GJB7: variants seen among roughly 807,000 people sequenced by gnomAD.
The protein encoded by GJB7 is gap junction beta-7 protein.
For missense variants in GJB7, 253 were observed against 256.8 expected (o/e 0.99, Z 0.10); for synonymous variants, 87 against 95.2 (o/e 0.91, Z 0.50).
chr6:87,316,549 A>G (rs1776587312), intron 2 of GJB7, among the ~76,000 whole-genome samples: 1 of 152,338 alleles, frequency 6.6e-6, no homozygotes, highest in South Asian at 2.1e-4. Flanking sequence ...TGACATGATT[A>G]GATGTATATT....
intron 2 of GJB7, among the ~76,000 whole-genome samples, chr6:87,314,419 GTTTC>G (rs1776554020): frequency 6.6e-6 from 1 of 152,156 alleles, no homozygotes; most frequent in African/African-American, 2.4e-5. Flanking sequence ...GAGTTTAGGG[GTTTC>G]TTTGTGTTTT....
In GJB7 at chr6:87,316,693, C is replaced by A. The variant is rs193046333; in HGVS notation, c.-28+6173G>T. Among the ~76,000 whole-genome samples the A allele has an allele frequency of 2.6e-5, 4 of 152,324 alleles. No individual in the cohort carries two copies. In the East Asian group the frequency reaches 7.7e-4, roughly 29 times the overall value. On this transcript the variant is annotated intron_variant, in intron 2 of 2. Coordinates refer to ENST00000525899, the MANE Select transcript of GJB7 (RefSeq NM_198568.3). ...TTTGATCTTCCTCACTCTGTTTTGACCATTTCTTCTCAAACCCTTTTGTGG... is the reference window on the plus strand; with the variant it reads ...TTTGATCTTCCTCACTCTGTTTTGAACATTTCTTCTCAAACCCTTTTGTGG...
In GJB7 at chr6:87,328,470, A is replaced by G. The variant is rs549197859; in HGVS notation, c.-206+668T>C. The stretch of plus-strand genomic sequence containing the variant: ...TCTGTTTGTTAGTTTTCCTTCTAAC[A>G]GACAGGACCGTAAGCTTCAGGTCTG... On this transcript the variant is annotated intron_variant, in intron 1 of 2. Coordinates refer to ENST00000525899, the MANE Select transcript of GJB7 (RefSeq NM_198568.3). Among the ~76,000 whole-genome samples the G allele has an allele frequency of 8.3e-3, 1,261 of 151,826 alleles. 19 individuals are homozygous for G. The highest frequency in any genetic ancestry group is 0.028 in the African/African-American group (1,150 of 41,302).
At chr6:87,302,146 T>C (rs918059677) in intron 2 of GJB7, among the ~76,000 whole-genome samples, 1 of 152,098 alleles carries the variant, frequency 6.6e-6, no homozygotes, top group African/African-American at 2.4e-5. Flanking sequence ...GGAATGCAGC[T>C]CCTCACCAGC....
chr6:87,299,342 T>C, intron 2 of GJB7: 2 of 472,860 alleles, frequency 4.2e-6, no homozygotes, highest in South Asian at 3.2e-5. Flanking sequence ...AGAAAGGGTG[T>C]CCTCACAGTA....
intron 2 of GJB7, chr6:87,299,496 G>A (rs1462623598): frequency 2.6e-6 from 1 of 390,076 alleles, no homozygotes; most frequent in African/African-American, 2.1e-5. Context: ...TGAATGAAAT[G>A]AAAATTTCTA....
In GJB7 at chr6:87,306,008, C is replaced by T. The variant is rs563361938; in HGVS notation, c.-28+16858G>A. 5.7e-3 allele frequency among the ~76,000 whole-genome samples: 871 copies of T among 151,886 alleles called. 9 individuals carry two copies. The highest frequency in any genetic ancestry group is 0.013 in the South Asian group (61 of 4,782). On this transcript the variant is annotated intron_variant, in intron 2 of 2. Coordinates refer to ENST00000525899, the MANE Select transcript of GJB7 (RefSeq NM_198568.3). ...GCTGAAACTGGATCCCTTCCTTACA[C>T]CTTATACAAAAATCAATTCAAGATG...
At chr6:87,319,752 T>C (rs2127911003) in intron 2 of GJB7, among the ~76,000 whole-genome samples, 1 of 152,316 alleles carries the variant, frequency 6.6e-6, no homozygotes, top group East Asian at 1.9e-4. Context: ...CTATTCACAA[T>C]AACCCAATTT....
intron 2 of GJB7, among the ~76,000 whole-genome samples, chr6:87,307,084 T>C (rs2127905921): frequency 6.6e-6 from 1 of 151,572 alleles, no homozygotes; most frequent in African/African-American, 2.4e-5. Flanking sequence ...AAATGACGAG[T>C]TAATGGGTGC....
chr6:87,325,090 T>C (rs958519290), intron 1 of GJB7, among the ~76,000 whole-genome samples: 3 of 152,154 alleles, frequency 2.0e-5, no homozygotes, highest in African/African-American at 7.2e-5. Flanking sequence ...TGTATAAGAA[T>C]GCTTGTGATT....
chr6:87,315,803 A>G (rs935420515), intron 2 of GJB7, among the ~76,000 whole-genome samples: 2 of 147,720 alleles, frequency 1.4e-5, no homozygotes, highest in Admixed American at 1.3e-4. Context: ...CTCAAAAAAA[A>G]AAAAAAAAAA....
intron 2 of GJB7, among the ~76,000 whole-genome samples, chr6:87,315,922 C>T (rs533690544): frequency 6.6e-6 from 1 of 152,204 alleles, no homozygotes; most frequent in East Asian, 1.9e-4. Flanking sequence ...CATAGACTTC[C>T]CATTACATAT....
chr6:87,313,562 A>G (rs1467773584), intron 2 of GJB7, among the ~76,000 whole-genome samples: 1 of 152,224 alleles, frequency 6.6e-6, no homozygotes, highest in African/African-American at 2.4e-5. Flanking sequence ...TTCCAATCAT[A>G]TTCAAATCTC....
At chr6:87,289,845 G>C (rs1270936531) in intron 2 of GJB7, among the ~76,000 whole-genome samples, 1 of 152,286 alleles carries the variant, frequency 6.6e-6, no homozygotes, top group East Asian at 1.9e-4. Flanking sequence ...GACAGGCAAG[G>C]CTACCTGCAT....
At chr6:87,322,154 T>C (rs1776676447) in intron 2 of GJB7, 1 of 152,222 alleles carries the variant, frequency 6.6e-6, no homozygotes, top group Non-Finnish European at 1.5e-5. Context: ...CATCTTGGAC[T>C]CTCAAGGCCC....
chr6:87,327,342 A>G (rs28750703), intron 1 of GJB7, among the ~76,000 whole-genome samples: 94,981 of 151,372 alleles, frequency 0.63, 30,257 homozygotes, highest in African/African-American at 0.71. Context: ...GTTAGTTGAT[A>G]CAGTTTCTTC....
At chr6:87,320,207 G>A (rs898838446) in intron 2 of GJB7, among the ~76,000 whole-genome samples, 3 of 152,180 alleles carry the variant, frequency 2.0e-5, no homozygotes, top group Non-Finnish European at 4.4e-5. Context: ...AATCCTCGAT[G>A]TGGTGGATAC....
intron 2 of GJB7, among the ~76,000 whole-genome samples, chr6:87,303,536 A>T (rs1776369822): frequency 1.3e-5 from 2 of 152,216 alleles, no homozygotes; most frequent in African/African-American, 4.8e-5. Context: ...GCAAGCCCTT[A>T]GAGACCTACA....
chr6:87,315,236 A>G (rs1310869310), intron 2 of GJB7, among the ~76,000 whole-genome samples: 2 of 152,090 alleles, frequency 1.3e-5, no homozygotes, highest in Admixed American at 1.3e-4. Context: ...TCCCAACCCA[A>G]CTGGTGGGGA....
Sources: gnomAD v4.1 joint callset for allele counts (sites outside exome capture counted in the v4.1 genomes callset) on GRCh38, gnomAD v4.1.1 for gene constraint, MANE v1.5 for transcripts, NCBI Gene and HGNC (gene_info 2026-07-23, HGNC 2026-07-21) for gene names.